Variants in FLNB observed in about 807,000 individuals in gnomAD.
FLNB encodes filamin B, also known as filamin-B.
FLNB carries 111 observed loss-of-function variants against 250.6 expected under a neutral mutation model. That is an observed-to-expected ratio of 0.44 (90% CI 0.38 to 0.52). The LOEUF is 0.52. Among genes scored for constraint, FLNB ranks in the 20% least tolerant of loss-of-function variants. The pLI, the probability that FLNB is intolerant of heterozygous loss-of-function variation, is 0.00. For missense variants in FLNB, 2,869 were observed against 3,447.8 expected (o/e 0.83, Z 4.20); for synonymous variants, 1,302 against 1,372.1 (o/e 0.95, Z 1.13).
intron 32 of FLNB, among the ~76,000 whole-genome samples, chr3:58,144,827 C>T (rs1412910729): frequency 1.3e-5 from 2 of 152,224 alleles, no homozygotes; most frequent in Non-Finnish European, 2.9e-5. Context: ...AGAATCTCAG[C>T]GTTGCTTTAT....
At chr3:58,124,961 G>A (rs1245461087) in intron 22 of FLNB, among the ~76,000 whole-genome samples, 8 of 152,054 alleles carry the variant, frequency 5.3e-5, no homozygotes, top group Non-Finnish European at 7.3e-5. Context: ...TCTGTTTCAC[G>A]GGTTTCGCTT....
chr3:58,025,692 G>A (rs57161291), intron 1 of FLNB, among the ~76,000 whole-genome samples: 37,635 of 152,194 alleles, frequency 0.25, 5,820 homozygotes, highest in East Asian at 0.49. Context: ...TCAGGGGGCT[G>A]AGGCGTGCAG....
chr3:58,143,753 A>G (rs2097331208), intron 32 of FLNB, 140 bp downstream of exon 32: 5 of 1,028,498 alleles, frequency 4.9e-6, no homozygotes, highest in East Asian at 5.2e-5. Flanking sequence ...CTGTGAAACC[A>G]AACAGTCTGG....
chr3:58,168,823 C>CAAT, intron 44 of FLNB, 165 bp downstream of exon 44: 1 of 679,324 alleles, frequency 1.5e-6, no homozygotes, highest in Non-Finnish European at 2.7e-6. Flanking sequence ...TTGAAACTTA[C>CAAT]AAAAGTCCAC....
intron 1 of FLNB, among the ~76,000 whole-genome samples, chr3:58,035,798 G>T (rs1399681315): frequency 1.3e-5 from 2 of 152,170 alleles, no homozygotes; most frequent in Non-Finnish European, 2.9e-5. Flanking sequence ...CTTAGCTAAA[G>T]GAGACCACTC....
At chr3:58,105,251 G>T (rs1371720920) in intron 11 of FLNB, 35 bp downstream of exon 11, 6 of 1,613,732 alleles carry the variant, frequency 3.7e-6, no homozygotes, top group Non-Finnish European at 5.1e-6. Flanking sequence ...TCTTCTGGAG[G>T]ACTGAGGATT....
intron 5 of FLNB, 33 bp downstream of exon 5, chr3:58,094,987 C>G (rs1161388193): frequency 1.3e-6 from 2 of 1,512,536 alleles, no homozygotes; most frequent in Admixed American, 3.3e-5. Flanking sequence ...TCCTTTCCAG[C>G]ACCTCATGGA....
At chr3:58,074,751 C>G (rs1187098668) in intron 1 of FLNB, among the ~76,000 whole-genome samples, 1 of 152,020 alleles carries the variant, frequency 6.6e-6, no homozygotes, top group Non-Finnish European at 1.5e-5. Flanking sequence ...TTCTCTGAGC[C>G]CCATGAATTA....
intron 1 of FLNB, among the ~76,000 whole-genome samples, chr3:58,023,111 CTT>C (rs61047967): frequency 1.3e-3 from 122 of 97,350 alleles, no homozygotes; most frequent in Admixed American, 2.5e-3. Flanking sequence ...CGAACTCGGC[CTT>C]TTTTTTTTTT....
chr3:58,028,163 T>A (rs2097125977), intron 1 of FLNB, among the ~76,000 whole-genome samples: 1 of 152,186 alleles, frequency 6.6e-6, no homozygotes, highest in African/African-American at 2.4e-5. Context: ...TGGATACTTA[T>A]GCAGCCATTA....
In FLNB at chr3:58,169,832, G is replaced by A; in HGVS notation, c.7621+39G>A. The A allele has an allele frequency of 2.0e-6, 3 of 1,491,516 alleles. No individual in the cohort carries two copies. Among genetic ancestry groups the A allele is most frequent in the Non-Finnish European group, 2.8e-6 (3 of 1,074,398 alleles). 92.4% of individuals were successfully genotyped at this position (1,491,516 alleles called of 1,614,324 possible). ...CCTTTTCAAGGGTGGGGTGGGGCAG[G>A]GGCAGGCTGGGCACCCTGGGTACAC... On this transcript the variant is annotated intron_variant, in intron 45 of 45. Transcript: ENST00000295956. This position sits in a 1 kb window ranked among gnomAD's most constrained non-coding sequence, Gnocchi z 4.8.
At position 58,130,916 on chromosome 3, in the gene FLNB, T is replaced by A. The variant is rs377095569; in HGVS notation, c.4390+8T>A. ...GGGTTCTGGGCCCACGAGGTAAGTGTGCACCCTGCCTTCCTGCAGACATTC... is the reference window on the plus strand; with the variant it reads ...GGGTTCTGGGCCCACGAGGTAAGTGAGCACCCTGCCTTCCTGCAGACATTC... On this transcript the variant is annotated splice_region_variant and intron_variant, in intron 25 of 45. Transcript: ENST00000295956. The A allele has an allele frequency of 3.9e-4, 624 of 1,608,374 alleles. 3 individuals are homozygous for A. Among genetic ancestry groups the A allele is most frequent in the South Asian group, 3.7e-3 (333 of 89,954 alleles).
chr3:58,112,977 C>T lies in FLNB; in HGVS notation c.2745+659C>T, dbSNP rs565816963. Among the ~76,000 whole-genome samples the T allele has an allele frequency of 2.6e-5, 4 of 152,182 alleles. No homozygotes were observed. The East Asian group carries it at 7.7e-4, about 29-fold the overall frequency. ...TCAGGCCATAAGGGCCTTAAAACTG[C>T]CTCTCTGTACAAGTTAATGTTTATT... On this transcript the variant is annotated intron_variant, in intron 18 of 45. Transcript: ENST00000295956.
chr3:58,022,204 G>A (rs1043184023), intron 1 of FLNB, among the ~76,000 whole-genome samples: 1 of 152,136 alleles, frequency 6.6e-6, no homozygotes, highest in Non-Finnish European at 1.5e-5. Context: ...CACTTAATAG[G>A]AATTTAATAA....
chr3:58,156,414 C>T (rs3821566), intron 41 of FLNB, among the ~76,000 whole-genome samples: 21,107 of 152,216 alleles, frequency 0.14, 1,965 homozygotes, highest in Middle Eastern at 0.22. Flanking sequence ...AAAACCAACA[C>T]AAAAATAACA....
intron 42 of FLNB, among the ~76,000 whole-genome samples, chr3:58,161,705 C>T (rs1242299708): frequency 6.6e-6 from 1 of 152,164 alleles, no homozygotes; most frequent in Non-Finnish European, 1.5e-5. Context: ...TTGAGCTGCG[C>T]CCTGCAAGGC....
At chr3:58,067,247 ACTAGCACCACTTGGTGCTCCTGATCTACT>A (rs1434541937) in intron 1 of FLNB, among the ~76,000 whole-genome samples, 11 of 150,700 alleles carry the variant, frequency 7.3e-5, no homozygotes, top group Non-Finnish European at 1.6e-4. Context: ...AACACAGTGT[ACTAGCACCACTTGGTGCTCCTGATCTACT>A]GTATCATCTC....
intron 4 of FLNB, among the ~76,000 whole-genome samples, chr3:58,085,164 C>A (rs2097215467): frequency 6.6e-6 from 1 of 152,162 alleles, no homozygotes; most frequent in Non-Finnish European, 1.5e-5. Context: ...CTGTTTGAGA[C>A]CCTGCTTTCA....
At chr3:58,148,622 C>G in intron 35 of FLNB, 27 bp from the exon 36 acceptor site, 1 of 1,596,872 alleles carries the variant, frequency 6.3e-7, no homozygotes, top group Non-Finnish European at 8.6e-7. Flanking sequence ...CATCCCCTTA[C>G]AAGCCCCAAT....
Sources: gnomAD v4.1 joint callset for allele counts (sites outside exome capture counted in the v4.1 genomes callset) on GRCh38, gnomAD v4.1.1 for gene constraint, Gnocchi (gnomAD v3.1) non-coding constraint, MANE v1.5 for transcripts, NCBI Gene and HGNC (gene_info 2026-07-23, HGNC 2026-07-21) for gene names.